Variants in CDK7 observed in about 807,000 individuals in gnomAD.
CDK7 encodes the protein cyclin dependent kinase 7, also known as cyclin-dependent kinase 7.
Under a neutral mutation model 49.1 loss-of-function variants are expected in CDK7, and 25 were observed. The ratio of observed to expected loss-of-function variants is 0.51; its 90% CI spans 0.37 to 0.71. The LOEUF (loss-of-function observed/expected upper bound fraction) is 0.71, where lower values mean the gene tolerates loss of function less well. Ranked by LOEUF, CDK7 falls within the 30% of genes least tolerant of loss-of-function variation. CDK7 has a pLI of 0.00. For missense variants in CDK7, 316 were observed against 411.7 expected, an observed-to-expected ratio of 0.77 and a Z score of 2.01; for synonymous variants, 107 against 140.0, an observed-to-expected ratio of 0.76 and a Z score of 1.67.
chr5:69,255,347 T>G, intron 4 of CDK7, 113 bp from the exon 5 acceptor site: 1 of 608,304 alleles, frequency 1.6e-6, no homozygotes, highest in Non-Finnish European at 2.9e-6. Flanking sequence ...TTAAGCTTTA[T>G]AGGGAATTAC....
At chr5:69,275,533 A>C (rs1752027235) in intron 10 of CDK7, among the ~76,000 whole-genome samples, 1 of 152,182 alleles carries the variant, frequency 6.6e-6, no homozygotes, top group South Asian at 2.1e-4. Flanking sequence ...CTTAATCCAA[A>C]TATCCGAAAT....
intron 10 of CDK7, among the ~76,000 whole-genome samples, chr5:69,275,160 T>G (rs138825190): frequency 6.6e-6 from 1 of 152,106 alleles, no homozygotes; most frequent in Non-Finnish European, 1.5e-5. Context: ...AGAAAATGTA[T>G]TGTATCTACA....
intron 7 of CDK7, among the ~76,000 whole-genome samples, chr5:69,261,514 GTGTGTGTGTGTA>G (rs1750816530): frequency 1.4e-5 from 2 of 143,078 alleles, no homozygotes; most frequent in Admixed American, 1.4e-4. Context: ...GTGTGTGTGT[GTGTGTGTGTGTA>G]TGTGTGTGTG....
chr5:69,275,537 C>T (rs1752028460), intron 10 of CDK7, among the ~76,000 whole-genome samples: 1 of 152,104 alleles, frequency 6.6e-6, no homozygotes. Context: ...ATCCAAATAT[C>T]CGAAATCTGA....
At chr5:69,246,967 A>G (rs1749797714) in intron 2 of CDK7, among the ~76,000 whole-genome samples, 1 of 152,190 alleles carries the variant, frequency 6.6e-6, no homozygotes, top group South Asian at 2.1e-4. Flanking sequence ...AAGATATTTG[A>G]TATGGTTTCA....
At chr5:69,262,672 AAAAAAAAAAAAG>A (rs1431230094) in intron 8 of CDK7, among the ~76,000 whole-genome samples, 1 of 151,358 alleles carries the variant, frequency 6.6e-6, no homozygotes, top group Non-Finnish European at 1.5e-5. Context: ...CCATCTCAAA[AAAAAAAAAAAAG>A]AAAAAGAAAA....
At chr5:69,260,131 C>T (rs1399467993) in intron 7 of CDK7, among the ~76,000 whole-genome samples, 195 bp downstream of exon 7, 2 of 152,170 alleles carry the variant, frequency 1.3e-5, no homozygotes, top group African/African-American at 2.4e-5. Context: ...GGCAGACCCA[C>T]GAGGTCAGGA....
rs562474835 is a variant in CDK7, at chr5:69,253,551, C to T, written c.161-1051C>T. ...AAAGTGCTGGGATTACGAGCCACCG[C>T]GCCCGGCCTGTATCTAATTTTTAAT... is the stretch of plus-strand genomic sequence containing the variant. On this transcript the variant is annotated intron_variant, in intron 3 of 11. Coordinates refer to ENST00000256443, the MANE Select transcript of CDK7 (RefSeq NM_001799.4). Among the ~76,000 whole-genome samples, 61 of 152,272 alleles carry T rather than the reference C, an allele frequency of 4.0e-4. 2 individuals are homozygous for T. Among genetic ancestry groups the T allele is most frequent in the East Asian group, 9.7e-4 (5 of 5,178 alleles).
chr5:69,235,280 C>G (rs1474982774), intron 1 of CDK7, 114 bp from the exon 2 acceptor site: 1 of 864,478 alleles, frequency 1.2e-6, no homozygotes, highest in Non-Finnish European at 1.9e-6. Context: ...ACGTTTCCAG[C>G]CGCCGCGAGT....
Position 69,238,115 on chromosome 5 carries a change from T to C in CDK7, c.126+2662T>C, listed in dbSNP as rs117346971. Among the ~76,000 whole-genome samples the C allele has an allele frequency of 6.7e-4, 102 of 152,334 alleles. 2 individuals are homozygous for C. In the East Asian group the frequency reaches 0.019, roughly 28 times the overall value. The stretch of plus-strand genomic sequence containing the variant: ...CATTCACCTGTTGAGTCTTGGACTT[T>C]AGAAATACTGATGTATCTCATCCTT... On this transcript the variant is annotated intron_variant, in intron 2 of 11. Transcript: ENST00000256443.
chr5:69,262,238 T>A lies in CDK7; in HGVS notation c.561T>A (p.Ala187=). The stretch of plus-strand genomic sequence containing the variant: ...GGGCCCCCGAGTTACTATTTGGAGC[T>A]AGGATGTATGGTGTAGGTGTGGACA... The part of the protein sequence containing the change: ...WYRAPELLFG[A]RMYGVGVDMW... Residue 187 remains alanine (A), a synonymous_variant, in exon 8 of 12, where the codon GCT becomes GCA. Transcript: ENST00000256443. 2.5e-6 allele frequency: 4 copies of A among 1,614,084 alleles called. No homozygotes were observed. Among genetic ancestry groups the A allele is most frequent in the Non-Finnish European group, 3.4e-6 (4 of 1,180,030 alleles).
Position 69,235,239 on chromosome 5 carries a change from T to G in CDK7, c.67-155T>G, listed in dbSNP as rs1366923565. 3.9e-6 allele frequency: 3 copies of G among 762,672 alleles called. No homozygotes were observed. The East Asian group carries it at 8.0e-5, about 20-fold the overall frequency. The allele number at this position is 762,672 out of a possible 1,614,324, so 47.2% of individuals were successfully genotyped here. ...TGAGGGGCCTCTCCTTGCTGAAGAG[T>G]AGCCTGGAGCTGGACGGAGACTGAC... is the stretch of plus-strand genomic sequence containing the variant. On this transcript the variant is annotated intron_variant, in intron 1 of 11. Transcript: ENST00000256443.
chr5:69,272,073 G>A (rs1260389604), intron 9 of CDK7, among the ~76,000 whole-genome samples: 1 of 152,068 alleles, frequency 6.6e-6, no homozygotes, highest in African/African-American at 2.4e-5. Context: ...TTACAAGCGT[G>A]AGCTGCCACA....
rs543413564 is a variant in CDK7 at position 69,269,649 on chromosome 5, C to T, written c.714+356C>T. The stretch of plus-strand genomic sequence containing the variant: ...AATGGGTTCACGTCGTATATATACA[C>T]GGTGTGAAGCCATTATATATATAAA... On this transcript the variant is annotated intron_variant, in intron 9 of 11. Coordinates refer to ENST00000256443, the MANE Select transcript of CDK7 (RefSeq NM_001799.4). Among the ~76,000 whole-genome samples the T allele has an allele frequency of 9.2e-5, 14 of 152,080 alleles. No individual in the cohort carries two copies. In the South Asian group the frequency reaches 2.5e-3, roughly 27 times the overall value.
In CDK7 at chr5:69,272,934, C is replaced by G; in HGVS notation, c.757C>G (p.Pro253Ala). ...LPDYVTFKSFPGIPLHHIFSA... is the reference protein window; with the variant it reads ...LPDYVTFKSFAGIPLHHIFSA... ...AGATTATGTGACATTTAAGAGTTTC[C>G]CTGGAATACCTTTGCATCACATCTT... Residue 253 changes from proline to alanine, a missense_variant, in exon 10 of 12, where the codon CCT (proline) becomes GCT (alanine). Physicochemically the swap from Pro to Ala is conservative, Grantham distance 27 (BLOSUM62 -1). Coordinates refer to ENST00000256443, the MANE Select transcript of CDK7 (RefSeq NM_001799.4). 6.3e-7 allele frequency: 1 copy of G among 1,591,862 alleles called. No homozygotes were observed. Among genetic ancestry groups the G allele is most frequent in the Non-Finnish European group, 8.6e-7 (1 of 1,167,908 alleles).
At chr5:69,236,111 C>G (rs1748956733) in intron 2 of CDK7, among the ~76,000 whole-genome samples, 1 of 151,836 alleles carries the variant, frequency 6.6e-6, no homozygotes, top group Admixed American at 6.6e-5. Context: ...TGTGGTGGCA[C>G]CTGTCTGTAA....
chr5:69,234,880 G>A, upstream of CDK7: 1 of 1,229,334 alleles, frequency 8.1e-7, no homozygotes, highest in Non-Finnish European at 1.2e-6. Context: ...GAGCCCGGTG[G>A]ACGGAAGTGG....
chr5:69,270,174 G>A (rs1481968559), intron 9 of CDK7, among the ~76,000 whole-genome samples: 4 of 151,906 alleles, frequency 2.6e-5, no homozygotes, highest in African/African-American at 9.7e-5. Flanking sequence ...AATGGCTCAC[G>A]CCTGTAATCC....
intron 9 of CDK7, among the ~76,000 whole-genome samples, chr5:69,271,649 C>CTACA (rs1244325227): frequency 6.6e-6 from 1 of 151,730 alleles, no homozygotes; most frequent in Non-Finnish European, 1.5e-5. Flanking sequence ...GTAGCTGGGG[C>CTACA]TGTAGGCATG....
Sources: allele counts gnomAD v4.1 joint callset (sites outside exome capture counted in the v4.1 genomes callset), GRCh38; gene constraint gnomAD v4.1.1; transcripts MANE v1.5; gene names NCBI Gene and HGNC (gene_info 2026-07-23, HGNC 2026-07-21).